Variants in PPWD1 observed in about 807,000 individuals in gnomAD.
PPWD1 encodes the protein peptidylprolyl isomerase domain and WD repeat-containing protein 1.
A neutral mutation model predicts 68.8 loss-of-function variants in PPWD1; 43 were observed. That is an observed-to-expected ratio of 0.62 (90% CI 0.49 to 0.81). The LOEUF (loss-of-function observed/expected upper bound fraction) is 0.81. PPWD1 is among the 30% of genes least tolerant of loss of function. The pLI is 0.00. For synonymous variants in PPWD1, 232 were observed against 258.7 expected, an observed-to-expected ratio of 0.90 and a Z score of 0.99; for missense variants, 672 against 804.8, an observed-to-expected ratio of 0.83 and a Z score of 2.00.
In PPWD1 at chr5:65,587,266, A is replaced by C; in HGVS notation, c.1811A>C (p.Asn604Thr). The change falls in exon 11 of 11, where the codon AAT (asparagine) becomes ACT (threonine). Residue 604 changes from asparagine (N) to threonine (T), a missense_variant. Around this residue, in one of 2 missense-constraint regions of PPWD1, gnomAD observed 484 missense variants for 646.2 expected, o/e 0.75. Coordinates refer to ENST00000261308, the MANE Select transcript of PPWD1 (RefSeq NM_015342.4). ...CCTCCAACACAGCCTTGGCTTGATAATAAGCATACAGTATTTGGACGAGTG... is the reference window on the plus strand; with the variant it reads ...CCTCCAACACAGCCTTGGCTTGATACTAAGCATACAGTATTTGGACGAGTG... Reference protein sequence around the residue: ...ITVVPTPWLDNKHTVFGRVTK... With the variant: ...ITVVPTPWLDTKHTVFGRVTK... 6.2e-7 allele frequency: 1 copy of C among 1,608,686 alleles called. No individual in the cohort carries two copies. The highest frequency in any genetic ancestry group is 8.5e-7 in the Non-Finnish European group (1 of 1,176,912).
At chr5:65,577,141 G>GT (rs1753336677) in intron 6 of PPWD1, 72 bp downstream of exon 6, 1 of 1,510,942 alleles carries the variant, frequency 6.6e-7, no homozygotes, top group African/African-American at 1.4e-5. Flanking sequence ...CATGGGAACA[G>GT]TGGGAGTATT....
At chr5:65,584,991 A>G in intron 8 of PPWD1, 23 bp from the exon 9 acceptor site, 1 of 1,607,556 alleles carries the variant, frequency 6.2e-7, no homozygotes, top group African/African-American at 1.3e-5. Context: ...TAGGTTTCAT[A>G]TTTGTAACAT....
intron 10 of PPWD1, 66 bp downstream of exon 10, chr5:65,586,247 G>C (rs768348497): frequency 7.0e-7 from 1 of 1,425,652 alleles, no homozygotes; most frequent in Non-Finnish European, 9.5e-7. Context: ...AGTGAACTCA[G>C]TAGAAGAGCT....
chr5:65,577,993 G>C (rs1271228761), intron 6 of PPWD1, among the ~76,000 whole-genome samples: 1 of 152,200 alleles, frequency 6.6e-6, no homozygotes, highest in Non-Finnish European at 1.5e-5. Flanking sequence ...ATATAGAGTA[G>C]TTTTACTGCC....
At chr5:65,567,482 T>C in intron 1 of PPWD1, 31 bp from the exon 2 acceptor site, 1 of 1,571,524 alleles carries the variant, frequency 6.4e-7, no homozygotes, top group Non-Finnish European at 8.6e-7. Context: ...TTGTTAAAAA[T>C]AGATCTTATA....
intron 1 of PPWD1, chr5:65,563,785 C>T (rs1752473900): frequency 2.0e-6 from 3 of 1,493,672 alleles, no homozygotes; most frequent in Non-Finnish European, 2.7e-6. Context: ...TTTGGCTCCT[C>T]TCATTTACTC....
In PPWD1 at chr5:65,573,475, ATTTTTT is replaced by A. The variant is rs71728896; in HGVS notation, c.969+1194_969+1199del. ...ACTTAGCTAATATATATATATATAT[ATTTTTT>A]TTTTATTAGAGATGGGTTTTTTTTA... On this transcript the variant is annotated intron_variant, in intron 5 of 10. Coordinates refer to ENST00000261308, the MANE Select transcript of PPWD1 (RefSeq NM_015342.4). Among the ~76,000 whole-genome samples, 50 of 67,760 alleles carry A rather than the reference ATTTTTT, an allele frequency of 7.4e-4. 5 individuals carry two copies. Among genetic ancestry groups the A allele is most frequent in the Non-Finnish European group, 1.0e-3 (37 of 36,070 alleles). 44.5% of individuals were successfully genotyped at this position (67,760 alleles called of 152,430 possible). A position where few individuals can be genotyped will look rare whatever the true frequency, so the allele number is the denominator to read the frequency against.
In PPWD1 at chr5:65,569,999, G is replaced by T. The variant is rs200365809; in HGVS notation, c.521+1G>T. The T allele has an allele frequency of 1.2e-4, 197 of 1,608,518 alleles. No individual in the cohort carries two copies. Among genetic ancestry groups the T allele is most frequent in the Non-Finnish European group, 1.6e-4 (192 of 1,176,820 alleles). ...ACATGATCAACATGCTGAAACTTGG[G>T]TGAGTCTTTTTAAAAGTATATATAT... On this transcript the variant is annotated splice_donor_variant, in intron 4 of 10. Coordinates refer to ENST00000261308, the MANE Select transcript of PPWD1 (RefSeq NM_015342.4). LOFTEE classifies it high-confidence loss of function.
intron 10 of PPWD1, 43 bp downstream of exon 10, chr5:65,586,224 TATG>T (rs761350263): frequency 6.4e-7 from 1 of 1,568,578 alleles, no homozygotes; most frequent in Non-Finnish European, 8.7e-7. Context: ...ATTGATAGGT[TATG>T]ATGTAAGAGA....
chr5:65,563,523 T>G lies in PPWD1; in HGVS notation c.196+17T>G, dbSNP rs1203519859. 1.0e-5 allele frequency: 16 copies of G among 1,599,636 alleles called. No homozygotes were observed. The highest frequency in any genetic ancestry group is 1.3e-5 in the Non-Finnish European group (15 of 1,173,348). On this transcript the variant is annotated intron_variant, in intron 1 of 10. Transcript: ENST00000261308. ...AGAGGAAAGGTAGCTGCAGACATAG[T>G]ACCGGGACGAATTGGAGTGCTGCGT...
At chr5:65,587,127 G>A (rs1753882994) in intron 10 of PPWD1, 126 bp from the exon 11 acceptor site, 2 of 1,041,584 alleles carry the variant, frequency 1.9e-6, no homozygotes, top group Non-Finnish European at 2.6e-6. Flanking sequence ...AGAAATTATT[G>A]TACTTCTTTT....
At chr5:65,580,680 A>AT (rs1319211592) in intron 7 of PPWD1, among the ~76,000 whole-genome samples, 3 of 151,996 alleles carry the variant, frequency 2.0e-5, no homozygotes, top group Non-Finnish European at 4.4e-5. Context: ...TACCCAGCTA[A>AT]TTTTTGTATT....
chr5:65,583,676 C>T (rs1230053230), intron 8 of PPWD1, among the ~76,000 whole-genome samples: 1 of 152,196 alleles, frequency 6.6e-6, no homozygotes, highest in Non-Finnish European at 1.5e-5. Flanking sequence ...AAGCTGGGTG[C>T]AGTGGCACGC....
Position 65,579,566 on chromosome 5 carries a change from G to A in PPWD1, c.1303G>A (p.Asp435Asn). ...ENPVLQNIQA[D>N]PTIVCTSFKK... Reference sequence around the variant, plus strand: ...TCCTGTTCTTCAGAATATTCAAGCTGACCCAACAATAGTCTGTACATCATT... The same window carrying A: ...TCCTGTTCTTCAGAATATTCAAGCTAACCCAACAATAGTCTGTACATCATT... Residue 435 changes from aspartate to asparagine, a missense_variant, in exon 7 of 11, where the codon GAC becomes AAC. Physicochemically the swap from Asp to Asn is conservative, Grantham distance 23. This residue lies in a region of PPWD1 where 484 missense variants were observed against 646.2 expected (regional missense o/e 0.75). Transcript: ENST00000261308. The A allele has an allele frequency of 6.2e-7, 1 of 1,607,342 alleles. No homozygotes were observed. The highest frequency in any genetic ancestry group is 8.5e-7 in the Non-Finnish European group (1 of 1,177,660).
intron 10 of PPWD1, among the ~76,000 whole-genome samples, chr5:65,586,583 TA>T (rs1753860427): frequency 6.6e-6 from 1 of 152,160 alleles, no homozygotes; most frequent in East Asian, 1.9e-4. Flanking sequence ...CAGAATACAT[TA>T]GATTTGATGA....
At position 65,563,782 on chromosome 5, in the gene PPWD1, C is replaced by T. The variant is rs979523265; in HGVS notation, c.196+276C>T. The T allele has an allele frequency of 3.5e-5, 52 of 1,489,568 alleles. 1 individual carries two copies. The highest frequency in any genetic ancestry group is 4.3e-5 in the Non-Finnish European group (48 of 1,105,154). 92.3% of individuals were successfully genotyped at this position (1,489,568 alleles called of 1,614,324 possible). A position where few individuals can be genotyped will look rare whatever the true frequency, so the allele number is the denominator to read the frequency against. Reference sequence around the variant, plus strand: ...TTTTCCTATTCTTATGTGTTTGGCTCCTCTCATTTACTCCCCACAGCAGCC... The same window carrying T: ...TTTTCCTATTCTTATGTGTTTGGCTTCTCTCATTTACTCCCCACAGCAGCC... On this transcript the variant is annotated intron_variant, in intron 1 of 10. Coordinates refer to ENST00000261308, the MANE Select transcript of PPWD1 (RefSeq NM_015342.4).
intron 5 of PPWD1, among the ~76,000 whole-genome samples, chr5:65,574,784 A>G (rs1753209989): frequency 1.3e-5 from 2 of 152,184 alleles, no homozygotes; most frequent in South Asian, 2.1e-4. Flanking sequence ...CTTAACACAC[A>G]TACTCTGAGC....
intron 1 of PPWD1, 122 bp downstream of exon 1, chr5:65,563,628 C>T (rs1306747780): frequency 2.2e-6 from 3 of 1,371,360 alleles, no homozygotes; most frequent in African/African-American, 2.9e-5. Flanking sequence ...GAGGGCCGTC[C>T]TCTCACTTCT....
At chr5:65,564,522 T>C (rs1224630193) in intron 1 of PPWD1, among the ~76,000 whole-genome samples, 1 of 152,130 alleles carries the variant, frequency 6.6e-6, no homozygotes, top group African/African-American at 2.4e-5. Flanking sequence ...GGTTTCACCA[T>C]GTTGGCCAGG....
Sources: allele counts gnomAD v4.1 joint callset (sites outside exome capture counted in the v4.1 genomes callset), GRCh38; gene constraint gnomAD v4.1.1; regional missense constraint gnomAD v4.1.1; transcripts MANE v1.5; gene names NCBI Gene and HGNC (gene_info 2026-07-23, HGNC 2026-07-21).